Variants in AZIN1 observed in about 807,000 individuals in gnomAD.
AZIN1 encodes the protein ornithine decarboxylase antizyme inhibitor.
AZIN1 carries 12 observed loss-of-function variants against 47.4 expected under a neutral mutation model. That is an observed-to-expected ratio of 0.25 (90% CI 0.16 to 0.41). AZIN1 has a LOEUF of 0.41. Among genes scored for constraint, AZIN1 ranks in the 10% least tolerant of loss-of-function variants. AZIN1 has a pLI of 1.00. For missense variants in AZIN1, 410 were observed against 532.4 expected (o/e 0.77, Z 2.26); for synonymous variants, 155 against 176.3 (o/e 0.88, Z 0.96).
rs757158655 is a variant in AZIN1, at chr8:102,828,251, G to C, written c.*316C>G. 3 of 188,994 alleles carry C rather than the reference G, an allele frequency of 1.6e-5. No homozygotes were observed. Among genetic ancestry groups the C allele is most frequent in the African/African-American group, 7.0e-5 (3 of 42,824 alleles). 11.7% of individuals were successfully genotyped at this position (188,994 alleles called of 1,614,324 possible). ...AAAAACTGTGTTCTTGTATGTAAAC[G>C]ATTTAATGGGGAACCCAATTAATGG... On this transcript the variant is annotated 3_prime_UTR_variant, in exon 12 of 12. Coordinates refer to ENST00000337198, the MANE Select transcript of AZIN1 (RefSeq NM_148174.4).
At position 102,846,643 on chromosome 8, in the gene AZIN1, CT is replaced by C. The variant is rs371796046; in HGVS notation, c.-95-2897del. Among the ~76,000 whole-genome samples the C allele has an allele frequency of 8.0e-3, 1,180 of 148,086 alleles. 11 individuals are homozygous for C. The highest frequency in any genetic ancestry group is 0.025 in the African/African-American group (1,004 of 40,572). ...CCCATCCCTATAAAACACAGGACTC[CT>C]TTTTTTTTTGGGAAATCCAACACAG... On this transcript the variant is annotated intron_variant, in intron 2 of 11. Coordinates refer to ENST00000337198, the MANE Select transcript of AZIN1 (RefSeq NM_148174.4).
intron 2 of AZIN1, among the ~76,000 whole-genome samples, chr8:102,853,328 C>A (rs1813044861): frequency 6.6e-6 from 1 of 152,196 alleles, no homozygotes; most frequent in Non-Finnish European, 1.5e-5. Flanking sequence ...TATGGTGAAA[C>A]CCTGTCTCTA....
rs889594074 is a variant in AZIN1, at chr8:102,828,393, C to T, written c.*174G>A. On this transcript the variant is annotated 3_prime_UTR_variant, in exon 12 of 12. Coordinates refer to ENST00000337198, the MANE Select transcript of AZIN1 (RefSeq NM_148174.4). ...CATTATCTAAATCTCCCATTATCCC[C>T]AATGAATTATAGATGAAAGCTGATT... The T allele has an allele frequency of 6.4e-6, 3 of 471,886 alleles. No homozygotes were observed. Among genetic ancestry groups the T allele is most frequent in the Non-Finnish European group, 1.1e-5 (3 of 262,022 alleles). 29.2% of individuals were successfully genotyped at this position (471,886 alleles called of 1,614,324 possible). A position where few individuals can be genotyped will look rare whatever the true frequency, so the allele number is the denominator to read the frequency against.
At chr8:102,841,710 A>G (rs1812191293) in intron 3 of AZIN1, among the ~76,000 whole-genome samples, 1 of 151,932 alleles carries the variant, frequency 6.6e-6, no homozygotes, top group Non-Finnish European at 1.5e-5. Context: ...GAACACCGGT[A>G]ACATGAAAAC....
chr8:102,842,043 C>T (rs1168867625), intron 3 of AZIN1, among the ~76,000 whole-genome samples: 3 of 151,074 alleles, frequency 2.0e-5, no homozygotes, highest in South Asian at 2.1e-4. Flanking sequence ...CCAGGGAGGC[C>T]GAGGTTGTAG....
At chr8:102,835,397 A>G (rs1811754987) in intron 6 of AZIN1, 1 of 152,410 alleles carries the variant, frequency 6.6e-6, no homozygotes, top group Non-Finnish European at 1.5e-5. Flanking sequence ...AACTAGACTG[A>G]CATGGAATGT....
intron 5 of AZIN1, among the ~76,000 whole-genome samples, chr8:102,838,323 G>C (rs1811952797): frequency 6.6e-6 from 1 of 152,158 alleles, no homozygotes; most frequent in Non-Finnish European, 1.5e-5. Context: ...TGTCAGTAAA[G>C]ATGACCATTC....
intron 3 of AZIN1, among the ~76,000 whole-genome samples, chr8:102,842,906 C>G (rs1236312244): frequency 6.7e-6 from 1 of 150,084 alleles, no homozygotes; most frequent in African/African-American, 2.5e-5. Context: ...GAATCCATCT[C>G]AAACAAGCAA....
In AZIN1 at chr8:102,843,697, CAA is replaced by C. The variant is rs777441485; in HGVS notation, c.-47_-46del. ...GCCGAAAGTCATAAACCAGGAAAGA[CAA>C]GAGACGGGCCACCAAGCCTATGTCT... On this transcript the variant is annotated 5_prime_UTR_variant, in exon 3 of 12. Coordinates refer to ENST00000337198, the MANE Select transcript of AZIN1 (RefSeq NM_148174.4). The C allele has an allele frequency of 2.5e-5, 40 of 1,610,884 alleles. No individual in the cohort carries two copies. The highest frequency in any genetic ancestry group is 3.3e-5 in the Non-Finnish European group (39 of 1,178,666).
At chr8:102,862,244 T>C (rs193171070) in intron 1 of AZIN1, among the ~76,000 whole-genome samples, 77 of 152,306 alleles carry the variant, frequency 5.1e-4, no homozygotes, top group African/African-American at 1.8e-3. Flanking sequence ...ATTTAAAAAA[T>C]AGTAAGCGGT....
intron 8 of AZIN1, 116 bp downstream of exon 8, chr8:102,834,073 A>G: frequency 1.3e-6 from 1 of 752,020 alleles, no homozygotes; most frequent in Non-Finnish European, 2.2e-6. Flanking sequence ...ACATAATTTT[A>G]AAGAGATGTT....
At position 102,828,610 on chromosome 8, in the gene AZIN1, CAAG is replaced by C. The variant is rs1319902938; in HGVS notation, c.1301_1303del (p.Ser434del). 11 of 1,611,508 alleles carry C rather than the reference CAAG, an allele frequency of 6.8e-6. No homozygotes were observed. The highest frequency in any genetic ancestry group is 1.1e-5 in the South Asian group (1 of 90,954). On this transcript the variant is annotated inframe_deletion, in exon 12 of 12. Coordinates refer to ENST00000337198, the MANE Select transcript of AZIN1 (RefSeq NM_148174.4). ...GCTGTCTTCTTGGCTCAGCTGAATG[CAAG>C]AAGGCACAAAGAAGAAGTTCTTCAT...
chr8:102,860,904 C>G (rs1813605516), intron 1 of AZIN1, among the ~76,000 whole-genome samples: 1 of 152,136 alleles, frequency 6.6e-6, no homozygotes. Context: ...TCTGGCAGCA[C>G]TTTTCTAGAC....
rs1372423082 is a variant in AZIN1, at chr8:102,864,021, A to C, written c.-448T>G. The C allele has an allele frequency of 6.4e-6, 1 of 156,762 alleles. No homozygotes were observed. The highest frequency in any genetic ancestry group is 1.4e-5 in the Non-Finnish European group (1 of 70,862). 9.7% of individuals were successfully genotyped at this position (156,762 alleles called of 1,614,324 possible). On this transcript the variant is annotated 5_prime_UTR_variant, in exon 1 of 12. Transcript: ENST00000337198. ...GAAATAGAACAGCGCAGGCAAAAGA[A>C]GAAAGGCGCGGGCTGGGTGGGAAGA... is the stretch of plus-strand genomic sequence containing the variant.
Position 102,828,616 on chromosome 8 carries a change from G to C in AZIN1, c.1298C>G (p.Pro433Arg). ...DSMMKNFFFV[P>R]SCIQLSQEDS... is the part of the protein sequence containing the mutation. ...TTCTTGGCTCAGCTGAATGCAAGAAGGCACAAAGAAGAAGTTCTTCATCAT... is the reference window on the plus strand; with the variant it reads ...TTCTTGGCTCAGCTGAATGCAAGAACGCACAAAGAAGAAGTTCTTCATCAT... The change falls in exon 12 of 12, where the codon CCT becomes CGT. Residue 433 changes from proline (P) to arginine (R), a missense_variant. Pro to Arg is a moderately radical substitution (Grantham distance 103). Around this residue, in one of 3 missense-constraint regions of AZIN1, gnomAD observed 168 missense variants for 198.3 expected, o/e 0.85. Coordinates refer to ENST00000337198, the MANE Select transcript of AZIN1 (RefSeq NM_148174.4). 1 of 1,611,392 alleles carries C rather than the reference G, an allele frequency of 6.2e-7. No individual in the cohort carries two copies. Among genetic ancestry groups the C allele is most frequent in the African/African-American group, 1.3e-5 (1 of 74,986 alleles).
intron 1 of AZIN1, among the ~76,000 whole-genome samples, chr8:102,862,844 T>A (rs1813776613): frequency 6.6e-6 from 1 of 152,068 alleles, no homozygotes; most frequent in Admixed American, 6.5e-5. Context: ...CTGTTTCGGG[T>A]TTCTGAACCA....
chr8:102,830,558 AAT>A (rs1238617677), intron 9 of AZIN1, among the ~76,000 whole-genome samples: 1 of 151,984 alleles, frequency 6.6e-6, no homozygotes, highest in Non-Finnish European at 1.5e-5. Flanking sequence ...CAAGGAGTTA[AAT>A]ATGTGTTTGA....
chr8:102,829,070 G>A (rs1374207289), intron 11 of AZIN1, among the ~76,000 whole-genome samples: 1 of 152,186 alleles, frequency 6.6e-6, no homozygotes, highest in Non-Finnish European at 1.5e-5. Flanking sequence ...ACATGGCCTA[G>A]ATTATGTAGT....
At chr8:102,847,862 TG>T (rs1364008710) in intron 2 of AZIN1, among the ~76,000 whole-genome samples, 1 of 152,202 alleles carries the variant, frequency 6.6e-6, no homozygotes, top group East Asian at 1.9e-4. Context: ...CCCAAAGTGT[TG>T]CAATTACCGG....
Sources: allele counts gnomAD v4.1 joint callset (sites outside exome capture counted in the v4.1 genomes callset), GRCh38; gene constraint gnomAD v4.1.1; regional missense constraint gnomAD v4.1.1; transcripts MANE v1.5; gene names NCBI Gene and HGNC (gene_info 2026-07-23, HGNC 2026-07-21).